The following ROBO2 variants were observed in gnomAD, a reference collection of about 807,000 sequenced individuals.
ROBO2 encodes the protein roundabout homolog 2.
In ROBO2, 53 loss-of-function variants were observed where a neutral mutation model predicts 160.8. The observed-to-expected ratio is 0.33, with a 90% CI of 0.26 to 0.41. ROBO2 has a LOEUF of 0.41. ROBO2 is among the 10% of genes least tolerant of loss of function. ROBO2 has a pLI of 1.00. For synonymous variants in ROBO2, 664 were observed against 611.7 expected (o/e 1.09, Z -1.26); for missense variants, 1,577 against 1,722.4 (o/e 0.92, Z 1.49).
intron 3 of ROBO2, 90 bp from the exon 4 acceptor site, chr3:77,481,009 C>A (rs1364677828): frequency 1.7e-6 from 2 of 1,188,482 alleles, no homozygotes; most frequent in Non-Finnish European, 2.5e-6. Flanking sequence ...CAAATATGCT[C>A]AAATACTCAA....
intron 2 of ROBO2, among the ~76,000 whole-genome samples, chr3:77,441,516 A>G (rs2079921111): frequency 6.6e-6 from 1 of 152,174 alleles, no homozygotes; most frequent in Admixed American, 6.6e-5. Flanking sequence ...ATCCTTTTGC[A>G]AGGATTGAAA....
chr3:77,247,528 T>C (rs2089865808), intron 2 of ROBO2, among the ~76,000 whole-genome samples: 1 of 152,200 alleles, frequency 6.6e-6, no homozygotes, highest in Non-Finnish European at 1.5e-5. Flanking sequence ...ATAAGGCCAG[T>C]TGCCATCCTT....
At chr3:76,208,057 C>A (rs1051480772) in intron 2 of ROBO2, among the ~76,000 whole-genome samples, 6 of 152,212 alleles carry the variant, frequency 3.9e-5, no homozygotes, top group African/African-American at 1.4e-4. Flanking sequence ...GCCCTGTGAA[C>A]TGCTCTCCCC....
intron 2 of ROBO2, among the ~76,000 whole-genome samples, chr3:77,260,039 A>G (rs190524658): frequency 2.6e-5 from 4 of 152,228 alleles, no homozygotes; most frequent in Non-Finnish European, 4.4e-5. Context: ...TTGTCATTCT[A>G]GTTAGAATTT....
chr3:76,385,237 C>A (rs1009563961), intron 2 of ROBO2, among the ~76,000 whole-genome samples: 2 of 152,170 alleles, frequency 1.3e-5, no homozygotes, highest in Non-Finnish European at 2.9e-5. Flanking sequence ...TCAAGGCATA[C>A]ACCCACCTTC....
intron 2 of ROBO2, among the ~76,000 whole-genome samples, chr3:76,335,297 C>G (rs2073807688): frequency 6.8e-6 from 1 of 148,036 alleles, no homozygotes; most frequent in Non-Finnish European, 1.5e-5. Context: ...TCTCCTGCCT[C>G]AGCCTCCCAA....
At chr3:76,105,048 C>T (rs2069860284) in intron 2 of ROBO2, among the ~76,000 whole-genome samples, 1 of 152,030 alleles carries the variant, frequency 6.6e-6, no homozygotes, top group Non-Finnish European at 1.5e-5. Flanking sequence ...AAGCAAGAGA[C>T]CTAGCCTTTA....
intron 2 of ROBO2, among the ~76,000 whole-genome samples, chr3:76,916,735 T>C (rs1334994459): frequency 6.6e-6 from 1 of 151,952 alleles, no homozygotes; most frequent in Non-Finnish European, 1.5e-5. Flanking sequence ...TCTAACACCA[T>C]AACATTTCCT....
At chr3:77,626,694 G>A (rs975673560) in intron 23 of ROBO2, among the ~76,000 whole-genome samples, 2 of 152,152 alleles carry the variant, frequency 1.3e-5, no homozygotes, top group African/African-American at 2.4e-5. Context: ...GAGAGTGCAG[G>A]GGGAAAATGC....
chr3:77,403,359 C>T (rs2075978066), intron 2 of ROBO2, among the ~76,000 whole-genome samples: 3 of 152,116 alleles, frequency 2.0e-5, no homozygotes, highest in African/African-American at 7.2e-5. Flanking sequence ...ACCAACATTT[C>T]CCCAATTTCT....
chr3:77,174,345 A>C (rs1003399485), intron 2 of ROBO2, among the ~76,000 whole-genome samples: 6 of 142,748 alleles, frequency 4.2e-5, no homozygotes, highest in African/African-American at 8.4e-5. Flanking sequence ...TCACTCATGC[A>C]AAAAAAAAAG....
At chr3:76,423,903 G>A (rs1424439112) in intron 2 of ROBO2, among the ~76,000 whole-genome samples, 1 of 152,110 alleles carries the variant, frequency 6.6e-6, no homozygotes, top group Non-Finnish European at 1.5e-5. Context: ...TAGATAAGGA[G>A]CTCCATCTGA....
intron 2 of ROBO2, among the ~76,000 whole-genome samples, chr3:76,546,247 A>G (rs914463553): frequency 4.6e-5 from 7 of 151,936 alleles, no homozygotes; most frequent in Non-Finnish European, 8.8e-5. Flanking sequence ...GGCAAATTTA[A>G]CTACCTATAA....
intron 2 of ROBO2, among the ~76,000 whole-genome samples, chr3:76,879,305 T>A (rs1226452242): frequency 2.6e-5 from 4 of 152,120 alleles, no homozygotes; most frequent in African/African-American, 9.7e-5. Flanking sequence ...CACCTGAGAA[T>A]CTGGTTAATG....
intron 2 of ROBO2, among the ~76,000 whole-genome samples, chr3:75,988,872 A>G (rs983799783): frequency 3.9e-5 from 6 of 151,918 alleles, no homozygotes; most frequent in Non-Finnish European, 7.4e-5. Flanking sequence ...TTAAAATCTG[A>G]TGATATATAA....
intron 2 of ROBO2, among the ~76,000 whole-genome samples, chr3:77,322,047 G>A (rs1217931713): frequency 6.6e-6 from 1 of 151,372 alleles, no homozygotes; most frequent in Non-Finnish European, 1.5e-5. Context: ...AGGGAGACTT[G>A]TTGTTAATAA....
intron 5 of ROBO2, among the ~76,000 whole-genome samples, chr3:77,509,405 A>T (rs1309874693): frequency 6.6e-6 from 1 of 152,102 alleles, no homozygotes; most frequent in Admixed American, 6.6e-5. Context: ...GTTAAACAAT[A>T]GAACAAAGAC....
rs1316331497 is a variant in ROBO2, at chr3:77,574,483, T to C, written c.1972-16T>C. 1 of 1,605,960 alleles carries C rather than the reference T, an allele frequency of 6.2e-7. No individual in the cohort carries two copies. Among genetic ancestry groups the C allele is most frequent in the Non-Finnish European group, 8.5e-7 (1 of 1,172,970 alleles). ...ACTTTCCTTTAGTTTCAAATGCCCT[T>C]AACTATGTTTTTCAGGTTGATCGCC... On this transcript the variant is annotated splice_polypyrimidine_tract_variant and intron_variant, in intron 13 of 25. Transcript: ENST00000461745.
At chr3:77,008,437 A>T (rs2061697645) in intron 2 of ROBO2, among the ~76,000 whole-genome samples, 1 of 152,180 alleles carries the variant, frequency 6.6e-6, no homozygotes, top group African/African-American at 2.4e-5. Context: ...TTCCAAAGTG[A>T]TAATAGATAA....
Sources: gnomAD v4.1 joint callset for allele counts (sites outside exome capture counted in the v4.1 genomes callset) on GRCh38, gnomAD v4.1.1 for gene constraint, MANE v1.5 for transcripts, NCBI Gene and HGNC (gene_info 2026-07-23, HGNC 2026-07-21) for gene names.